MOCOS: variants seen among roughly 807,000 people sequenced by gnomAD.
MOCOS encodes human molybdenum cofactor sulfurase.
A neutral mutation model predicts 83.6 loss-of-function variants in MOCOS; 86 were observed. The observed-to-expected ratio is 1.03, with a 90% CI of 0.86 to 1.23. MOCOS has a LOEUF of 1.23. Among genes scored for constraint, MOCOS ranks in the 50% most tolerant of loss-of-function variants. The pLI, the probability that MOCOS is intolerant of heterozygous loss-of-function variation, is 0.00. For missense variants in MOCOS, 1,120 were observed against 1,126.9 expected (o/e 0.99, Z 0.09); for synonymous variants, 445 against 434.7 (o/e 1.02, Z -0.29).
At chr18:36,211,727 G>C (rs1036558925) in intron 6 of MOCOS, among the ~76,000 whole-genome samples, 23 of 152,104 alleles carry the variant, frequency 1.5e-4, no homozygotes, top group African/African-American at 5.6e-4. Context: ...GGTAAGTGTG[G>C]CTGCAACAGC....
At chr18:36,219,088 T>G (rs1314721652) in intron 8 of MOCOS, among the ~76,000 whole-genome samples, 1 of 150,580 alleles carries the variant, frequency 6.6e-6, no homozygotes, top group African/African-American at 2.4e-5. Context: ...AGGATGGTCT[T>G]GAACTCCTGA....
intron 9 of MOCOS, among the ~76,000 whole-genome samples, chr18:36,223,778 T>C (rs965619821): frequency 2.6e-5 from 4 of 152,214 alleles, no homozygotes; most frequent in Non-Finnish European, 5.9e-5. Context: ...ATTTCTTTCA[T>C]CAATGTTTTG....
intron 1 of MOCOS, among the ~76,000 whole-genome samples, chr18:36,193,317 C>CAAAAAAAAAAAAAAAAAAAAAAAAAAAA (rs555145311): frequency 2.6e-5 from 1 of 38,304 alleles, no homozygotes; most frequent in African/African-American, 1.0e-4. Context: ...GACTCCGTCT[C>CAAAAAAAAAAAAAAAAAAAAAAAAAAAA]AAAAAAAAAA....
chr18:36,255,344 A>G (rs910204196), intron 11 of MOCOS, among the ~76,000 whole-genome samples: 4 of 152,230 alleles, frequency 2.6e-5, no homozygotes, highest in African/African-American at 9.6e-5. Context: ...GCCTTTCATC[A>G]TCTGTCTCTT....
chr18:36,202,306 C>CAATT (rs35903922), intron 4 of MOCOS, among the ~76,000 whole-genome samples: 151,221 of 152,346 alleles, frequency 0.99, 75,065 homozygotes, highest in East Asian at 1. Flanking sequence ...AATTGTCAAT[C>CAATT]AATAACTGGC....
At chr18:36,196,869 A>T (rs1428981150) in intron 2 of MOCOS, among the ~76,000 whole-genome samples, 1 of 152,118 alleles carries the variant, frequency 6.6e-6, no homozygotes, top group Middle Eastern at 3.2e-3. Flanking sequence ...ATCCAGTGCA[A>T]TCTTTCAGTG....
At chr18:36,256,833 A>T in intron 11 of MOCOS, 135 bp from the exon 12 acceptor site, 1 of 795,366 alleles carries the variant, frequency 1.3e-6, no homozygotes, top group South Asian at 1.4e-5. Flanking sequence ...GGACATTTTT[A>T]TTATTGCCAG....
At chr18:36,202,592 G>A (rs1839040625) in intron 4 of MOCOS, among the ~76,000 whole-genome samples, 1 of 152,224 alleles carries the variant, frequency 6.6e-6, no homozygotes, top group South Asian at 2.1e-4. Flanking sequence ...CCATCCTGAA[G>A]GGGAGAGCAA....
At chr18:36,259,828 G>A (rs980864450) in intron 12 of MOCOS, among the ~76,000 whole-genome samples, 1 of 152,184 alleles carries the variant, frequency 6.6e-6, no homozygotes, top group Non-Finnish European at 1.5e-5. Flanking sequence ...AGATGGGACC[G>A]TATCCCAGGG....
chr18:36,197,137 G>C (rs552386601), intron 2 of MOCOS, among the ~76,000 whole-genome samples: 1 of 152,110 alleles, frequency 6.6e-6, no homozygotes, highest in Non-Finnish European at 1.5e-5. Context: ...ATGGCTAAGG[G>C]CAGCACAGTG....
intron 2 of MOCOS, among the ~76,000 whole-genome samples, chr18:36,195,580 GC>G (rs2091384285): frequency 6.6e-6 from 1 of 152,166 alleles, no homozygotes; most frequent in African/African-American, 2.4e-5. Context: ...AGAAGAAGAG[GC>G]CAGTGTTAGG....
Position 36,205,228 on chromosome 18 carries a change from C to G in MOCOS, c.1170C>G (p.Ile390Met). The change falls in exon 6 of 15, where the codon ATC becomes ATG. Residue 390 changes from isoleucine (I) to methionine (M), a missense_variant. Transcript: ENST00000261326. ...GCCCTGAGGTTCAGGGCCCAATCAT[C>G]AATTTTAATGTGCTGGATGACAAAG... ...FSSPEVQGPIINFNVLDDKGN... is the reference protein window; with the variant it reads ...FSSPEVQGPIMNFNVLDDKGN... 1 of 1,614,042 alleles carries G rather than the reference C, an allele frequency of 6.2e-7. No homozygotes were observed. The highest frequency in any genetic ancestry group is 1.1e-5 in the South Asian group (1 of 91,066).
intron 9 of MOCOS, among the ~76,000 whole-genome samples, chr18:36,248,066 C>T (rs2091608803): frequency 1.3e-5 from 2 of 152,166 alleles, no homozygotes; most frequent in Non-Finnish European, 2.9e-5. Context: ...CACATTCCTA[C>T]CAACAGTGTG....
chr18:36,259,413 C>T (rs2144150724), intron 12 of MOCOS, among the ~76,000 whole-genome samples: 1 of 142,518 alleles, frequency 7.0e-6, no homozygotes, highest in African/African-American at 2.6e-5. Context: ...TGTGCCACTG[C>T]ACTCCAGTCT....
intron 6 of MOCOS, among the ~76,000 whole-genome samples, chr18:36,211,434 A>C (rs2091455103): frequency 1.3e-5 from 2 of 151,768 alleles, no homozygotes; most frequent in Admixed American, 6.5e-5. Context: ...CCCTGATTAT[A>C]GTGTTGATAT....
intron 9 of MOCOS, among the ~76,000 whole-genome samples, chr18:36,239,988 G>A (rs1273526175): frequency 0.017 from 2,355 of 142,530 alleles, 72 homozygotes; most frequent in African/African-American, 0.059. Flanking sequence ...AGCTCCATCA[G>A]CTCCTTTAAG....
intron 5 of MOCOS, among the ~76,000 whole-genome samples, chr18:36,203,666 G>A (rs2091423482): frequency 6.6e-6 from 1 of 152,236 alleles, no homozygotes; most frequent in South Asian, 2.1e-4. Context: ...GCCTAACCAT[G>A]AGCACCCAAC....
chr18:36,200,350 A>C, intron 4 of MOCOS, 26 bp downstream of exon 4: 9 of 1,613,354 alleles, frequency 5.6e-6, no homozygotes, highest in Non-Finnish European at 7.6e-6. Flanking sequence ...GGGAGGGGTC[A>C]GAGGAGTTCA....
At chr18:36,247,330 G>T (rs887741564) in intron 9 of MOCOS, among the ~76,000 whole-genome samples, 1 of 152,212 alleles carries the variant, frequency 6.6e-6, no homozygotes, top group Non-Finnish European at 1.5e-5. Context: ...CTCCCTGCCT[G>T]CCAGGACAGT....
Sources: allele counts gnomAD v4.1 joint callset (sites outside exome capture counted in the v4.1 genomes callset), GRCh38; gene constraint gnomAD v4.1.1; transcripts MANE v1.5; gene names NCBI Gene and HGNC (gene_info 2026-07-23, HGNC 2026-07-21).